Variants in CHLSN observed in about 807,000 individuals in gnomAD.
The protein encoded by CHLSN is cholesin.
chr7:1,127,873 G>C, the CHLSN span, among the ~76,000 whole-genome samples: 1 of 79,250 alleles, frequency 1.3e-5, no homozygotes, highest in Non-Finnish European at 2.2e-5. Flanking sequence ...CCGGGCTGGA[G>C]TGCAGTGGCA....
At chr7:1,057,979 C>G in the CHLSN span, 3 of 770,796 alleles carry the variant, frequency 3.9e-6, no homozygotes, top group Non-Finnish European at 7.2e-6. Context: ...TGGGGTGGCG[C>G]GCTGCTGACC....
chr7:1,035,444 T>A, the CHLSN span, among the ~76,000 whole-genome samples: 2 of 152,236 alleles, frequency 1.3e-5, no homozygotes, highest in African/African-American at 4.8e-5. Context: ...ACAGAAATCT[T>A]TTCAACAAAT....
the CHLSN span, among the ~76,000 whole-genome samples, chr7:1,018,313 T>TAAGA: frequency 2.6e-5 from 4 of 152,172 alleles, no homozygotes; most frequent in Non-Finnish European, 1.5e-5. Context: ...AAGCACGTCT[T>TAAGA]TCTTCTCACT....
the CHLSN span, chr7:1,022,895 C>T: frequency 3.7e-5 from 15 of 407,358 alleles, no homozygotes; most frequent in East Asian, 2.3e-4. Flanking sequence ...CAAAGCGCGG[C>T]GACGTCTCCG....
chr7:1,002,416 G>GT, the CHLSN span, among the ~76,000 whole-genome samples: 1 of 115,582 alleles, frequency 8.7e-6, no homozygotes, highest in African/African-American at 3.4e-5. Flanking sequence ...CCTGCCGGTG[G>GT]GGAGTCCTGT....
the CHLSN span, among the ~76,000 whole-genome samples, chr7:1,029,988 T>C: frequency 3.3e-5 from 5 of 152,178 alleles, no homozygotes; most frequent in Non-Finnish European, 5.9e-5. Context: ...CAGCAGTGCT[T>C]CCGATTTAGT....
the CHLSN span, among the ~76,000 whole-genome samples, chr7:1,095,356 G>A: frequency 8.1e-6 from 1 of 123,310 alleles, no homozygotes; most frequent in African/African-American, 3.2e-5. Flanking sequence ...CCCCCTCCCC[G>A]ACACCCGGGC....
At chr7:1,076,845 C>T in the CHLSN span, among the ~76,000 whole-genome samples, 567 of 152,372 alleles carry the variant, frequency 3.7e-3, 10 homozygotes, top group Non-Finnish European at 6.5e-4. Flanking sequence ...GCCTTCTAGC[C>T]ACACTTCCTG....
chr7:1,052,497 T>C, the CHLSN span, among the ~76,000 whole-genome samples: 3 of 151,820 alleles, frequency 2.0e-5, no homozygotes, highest in African/African-American at 7.3e-5. The surrounding 1 kb of genome is among the most constrained non-coding windows in gnomAD (Gnocchi z 4.2). Flanking sequence ...AGTGTGACTT[T>C]GGAGGTGCTG....
chr7:1,005,280 A>C, the CHLSN span, among the ~76,000 whole-genome samples: 3 of 152,058 alleles, frequency 2.0e-5, no homozygotes, highest in Non-Finnish European at 1.5e-5. Flanking sequence ...ACAGAGTGAG[A>C]CTCCATCTCA....
At chr7:1,028,782 A>G in the CHLSN span, 3 of 768,354 alleles carry the variant, frequency 3.9e-6, no homozygotes, top group Non-Finnish European at 4.6e-6. Flanking sequence ...GTCTGCCGCC[A>G]TCTGTCCCTA....
chr7:1,089,190 G>A, the CHLSN span, among the ~76,000 whole-genome samples: 2 of 152,110 alleles, frequency 1.3e-5, no homozygotes, highest in Admixed American at 6.5e-5. Flanking sequence ...CAACCTTCCC[G>A]ACAGAGCCTG....
At chr7:1,118,612 C>G in the CHLSN span, among the ~76,000 whole-genome samples, 2 of 151,858 alleles carry the variant, frequency 1.3e-5, no homozygotes, top group African/African-American at 4.8e-5. Flanking sequence ...AAAGCTGATT[C>G]CAAAATTCAC....
At chr7:1,070,330 C>T in the CHLSN span, among the ~76,000 whole-genome samples, 1 of 142,354 alleles carries the variant, frequency 7.0e-6, no homozygotes, top group South Asian at 2.3e-4. Flanking sequence ...CCCGCCTGGC[C>T]AGCCGTGCCG....
chr7:998,457 C>CTTTTTTTTTTTTTT, the CHLSN span, among the ~76,000 whole-genome samples: 2 of 95,014 alleles, frequency 2.1e-5, no homozygotes, highest in African/African-American at 7.9e-5. Flanking sequence ...GTCTTAGATT[C>CTTTTTTTTTTTTTT]TTTTTTTTTT....
chr7:1,103,093 C>T, the CHLSN span, among the ~76,000 whole-genome samples: 1 of 152,204 alleles, frequency 6.6e-6, no homozygotes, highest in Non-Finnish European at 1.5e-5. Context: ...TGGGGTCTCC[C>T]GGGCCCTCCT....
chr7:994,685 C>T, the CHLSN span, among the ~76,000 whole-genome samples: 1 of 152,178 alleles, frequency 6.6e-6, no homozygotes, highest in Non-Finnish European at 1.5e-5. Flanking sequence ...AGCGATCCTC[C>T]CGCCTCTGCC....
chr7:1,057,551 G>A, the CHLSN span: 1 of 773,996 alleles, frequency 1.3e-6, no homozygotes, highest in Non-Finnish European at 2.4e-6. Context: ...GCACAGGGCT[G>A]GTGGAGGAGC....
chr7:1,013,084 C>T, the CHLSN span, among the ~76,000 whole-genome samples: 69 of 152,110 alleles, frequency 4.5e-4, no homozygotes, highest in Non-Finnish European at 7.8e-4. Flanking sequence ...CCGCCAGGAT[C>T]GGGCGTGGTA....
Sources: allele counts gnomAD v4.1 joint callset (sites outside exome capture counted in the v4.1 genomes callset), GRCh38; gene constraint gnomAD v4.1.1; non-coding constraint Gnocchi (gnomAD v3.1); transcripts MANE v1.5; gene names NCBI Gene and HGNC (gene_info 2026-07-23, HGNC 2026-07-21).